Variants in ISG20 observed in about 807,000 individuals in gnomAD.
The protein encoded by ISG20 is interferon stimulated exonuclease gene 20, also known as interferon-stimulated gene 20 kDa protein.
ISG20 carries 8 observed loss-of-function variants against 11.1 expected under a neutral mutation model. The ratio of observed to expected loss-of-function variants is 0.72; its 90% confidence interval spans 0.42 to 1.30. ISG20 has a LOEUF of 1.30. Among genes scored for constraint, ISG20 ranks in the 50% most tolerant of loss-of-function variants. The probability of loss-of-function intolerance (pLI) is 0.01; values close to 1 mark genes in which losing one functional copy is unlikely to be tolerated. For missense variants in ISG20, 243 were observed against 250.2 expected, an observed-to-expected ratio of 0.97 and a Z score of 0.19; for synonymous variants, 110 against 101.7, an observed-to-expected ratio of 1.08 and a Z score of -0.49.
chr15:88,650,508 G>C lies in ISG20; in HGVS notation c.229-1602G>C. 7.3e-7 allele frequency: 1 copy of C among 1,374,716 alleles called. No individual in the cohort carries two copies. Among genetic ancestry groups the C allele is most frequent in the African/African-American group, 1.5e-5 (1 of 68,402 alleles). 85.2% of individuals were successfully genotyped at this position (1,374,716 alleles called of 1,614,324 possible). On this transcript the variant is annotated intron_variant, in intron 2 of 3. Coordinates refer to ENST00000306072, the MANE Select transcript of ISG20 (RefSeq NM_002201.6). The surrounding 1 kb of genome is among the most constrained non-coding windows in gnomAD (Gnocchi z 4.0). ...CGTGTGACTGTCCCAGTTATCAAAT[G>C]GTGCTTGGCAAATCACACCAAAACT...
At chr15:88,651,909 C>T in intron 2 of ISG20, 1 of 1,411,614 alleles carries the variant, frequency 7.1e-7, no homozygotes, top group Non-Finnish European at 9.2e-7. Flanking sequence ...GGGCTTTTGG[C>T]ACAGAATGAA....
At chr15:88,641,617 A>G (rs1175982872) in intron 2 of ISG20, among the ~76,000 whole-genome samples, 2 of 151,970 alleles carry the variant, frequency 1.3e-5, no homozygotes, top group African/African-American at 2.4e-5. Flanking sequence ...TGTGTGTCCA[A>G]ACTTCCTCTT....
intron 2 of ISG20, among the ~76,000 whole-genome samples, chr15:88,645,565 G>A (rs1212286025): frequency 6.6e-6 from 1 of 151,978 alleles, no homozygotes; most frequent in Non-Finnish European, 1.5e-5. Context: ...ATTGCCTAAG[G>A]TTCCCCCAGC....
chr15:88,639,259 G>A lies in ISG20; in HGVS notation c.-24-84G>A. The stretch of plus-strand genomic sequence containing the variant: ...TCGGAAACAAAGGGCAGGGCGGAGG[G>A]TAAGGCCAGCTGGGGTTGGCTGAGG... On this transcript the variant is annotated intron_variant, in intron 1 of 3. Coordinates refer to ENST00000306072, the MANE Select transcript of ISG20 (RefSeq NM_002201.6). The surrounding 1 kb of genome is among the most constrained non-coding windows in gnomAD (Gnocchi z 4.2). 2.5e-6 allele frequency: 2 copies of A among 812,920 alleles called. No individual in the cohort carries two copies. The highest frequency in any genetic ancestry group is 3.8e-6 in the Non-Finnish European group (2 of 520,032). 50.4% of individuals were successfully genotyped at this position (812,920 alleles called of 1,614,324 possible).
chr15:88,650,140 G>A lies in ISG20; in HGVS notation c.229-1970G>A. ...AGGTCGTGGGCTACATGCAGAGAAG[G>A]AGACGAAGGCTGTCCTAGAGCTGTC... On this transcript the variant is annotated intron_variant, in intron 2 of 3. Coordinates refer to ENST00000306072, the MANE Select transcript of ISG20 (RefSeq NM_002201.6). This position sits in a 1 kb window ranked among gnomAD's most constrained non-coding sequence, Gnocchi z 4.0. 1 of 1,014,064 alleles carries A rather than the reference G, an allele frequency of 9.9e-7. No individual in the cohort carries two copies. The highest frequency in any genetic ancestry group is 1.4e-5 in the South Asian group (1 of 73,092). 62.8% of individuals were successfully genotyped at this position (1,014,064 alleles called of 1,614,324 possible). A position where few individuals can be genotyped will look rare whatever the true frequency, so the allele number is the denominator to read the frequency against.
In ISG20 at chr15:88,639,882, G is replaced by A. The variant is rs1415630556; in HGVS notation, c.228+288G>A. Among the ~76,000 whole-genome samples, 2 of 152,122 alleles carry A rather than the reference G, an allele frequency of 1.3e-5. No homozygotes were observed. Among genetic ancestry groups the A allele is most frequent in the East Asian group, 3.9e-4 (2 of 5,188 alleles). ...TGAGTTCCCCCACACAGTGACTTGGGGTCTACATTCCCCATTCTTCCCTCT... is the reference window on the plus strand; with the variant it reads ...TGAGTTCCCCCACACAGTGACTTGGAGTCTACATTCCCCATTCTTCCCTCT... On this transcript the variant is annotated intron_variant, in intron 2 of 3. Coordinates refer to ENST00000306072, the MANE Select transcript of ISG20 (RefSeq NM_002201.6). This position sits in a 1 kb window ranked among gnomAD's most constrained non-coding sequence, Gnocchi z 4.2.
At chr15:88,637,332 ATTT>A (rs66503151), upstream of ISG20, 8 of 137,822 alleles carry the variant, frequency 5.8e-5, no homozygotes, top group South Asian at 2.2e-4. Context: ...TTGAGGTTTG[ATTT>A]TTTTTTTTTT....
In ISG20 at chr15:88,639,637, T is replaced by A. The variant is rs759363217; in HGVS notation, c.228+43T>A. 4.0e-6 allele frequency: 6 copies of A among 1,492,784 alleles called. No individual in the cohort carries two copies. The South Asian group carries it at 6.8e-5, about 17-fold the overall frequency. The allele number at this position is 1,492,784 out of a possible 1,614,324, so 92.5% of individuals were successfully genotyped here. On this transcript the variant is annotated intron_variant, in intron 2 of 3. Transcript: ENST00000306072. The surrounding 1 kb of genome is among the most constrained non-coding windows in gnomAD (Gnocchi z 4.2). ...CAGCAGGGGCTTTGGAAATAACCCC[T>A]CTCCCACTTCCCTGGCCCCTCTTCC...
intron 3 of ISG20, among the ~76,000 whole-genome samples, chr15:88,655,010 C>T (rs954926131): frequency 2.6e-5 from 4 of 152,212 alleles, no homozygotes; most frequent in Admixed American, 6.5e-5. Flanking sequence ...CATTTATTGA[C>T]GCCCTTGTGT....
Position 88,656,329 on chromosome 15 carries a change from G to C in ISG20, c.*798G>C, listed in dbSNP as rs913430645. The C allele has an allele frequency of 6.6e-6, 1 of 152,138 alleles. No individual in the cohort carries two copies. Among genetic ancestry groups the C allele is most frequent in the Non-Finnish European group, 1.5e-5 (1 of 68,034 alleles). 9.4% of individuals were successfully genotyped at this position (152,138 alleles called of 1,614,324 possible). A position where few individuals can be genotyped will look rare whatever the true frequency, so the allele number is the denominator to read the frequency against. ...AGGAAGAGTCACCGCACTCTGTTTC[G>C]GGGCTCGGCTCTCTGAGGGGAGGGC... On this transcript the variant is annotated 3_prime_UTR_variant, in exon 4 of 4. Transcript: ENST00000306072.
intron 2 of ISG20, chr15:88,651,672 C>G (rs1272016183): frequency 1.8e-6 from 1 of 568,696 alleles, no homozygotes; most frequent in East Asian, 1.2e-4. Context: ...CTAAGTTCTG[C>G]CCGGAACTTT....
intron 2 of ISG20, chr15:88,651,567 C>T (rs1030718884): frequency 4.5e-5 from 8 of 179,234 alleles, no homozygotes; most frequent in Non-Finnish European, 8.7e-5. Flanking sequence ...TGTGGATTCA[C>T]TCTGACCTCC....
chr15:88,638,646 A>G (rs2058023530), upstream of ISG20: 1 of 152,816 alleles, frequency 6.5e-6, no homozygotes, highest in Middle Eastern at 3.2e-3. Flanking sequence ...GACTGGTAGC[A>G]GGCTCCAGAA....
At position 88,655,408 on chromosome 15, in the gene ISG20, TC is replaced by T; in HGVS notation, c.430-6del. On this transcript the variant is annotated splice_polypyrimidine_tract_variant and splice_region_variant and intron_variant, in intron 3 of 3. Coordinates refer to ENST00000306072, the MANE Select transcript of ISG20 (RefSeq NM_002201.6). ...CCCAAGTCCCCACTCTATACTTGTG[TC>T]TGCAGAACAGCCTGCTTGGACACAG... 6.2e-7 allele frequency: 1 copy of T among 1,613,416 alleles called. No homozygotes were observed. The highest frequency in any genetic ancestry group is 8.5e-7 in the Non-Finnish European group (1 of 1,179,456).
Position 88,643,355 on chromosome 15 carries a change from T to C in ISG20, c.228+3761T>C, listed in dbSNP as rs2058113967. 6.6e-6 allele frequency among the ~76,000 whole-genome samples: 1 copy of C among 152,204 alleles called. No homozygotes were observed. Among genetic ancestry groups the C allele is most frequent in the Non-Finnish European group, 1.5e-5 (1 of 68,042 alleles). On this transcript the variant is annotated intron_variant, in intron 2 of 3. Transcript: ENST00000306072. This position sits in a 1 kb window ranked among gnomAD's most constrained non-coding sequence, Gnocchi z 4.4. ...GTTAGGTTAAATAAAACGTTAAAAT[T>C]AATTTCACCTATTTACTTTTTACGT... is the stretch of plus-strand genomic sequence containing the variant.
At chr15:88,646,646 C>A (rs1330471402) in intron 2 of ISG20, among the ~76,000 whole-genome samples, 1 of 152,204 alleles carries the variant, frequency 6.6e-6, no homozygotes. Context: ...GGCTCACGGG[C>A]CCCCAAATGT....
At chr15:88,647,309 T>C (rs1164899983) in intron 2 of ISG20, 2 of 152,104 alleles carry the variant, frequency 1.3e-5, no homozygotes, top group Non-Finnish European at 2.9e-5. Flanking sequence ...GTGCTTATGA[T>C]CTTCTGACAT....
At chr15:88,636,046 G>A (rs1274592885), upstream of ISG20, 1 of 152,286 alleles carries the variant, frequency 6.6e-6, no homozygotes, top group Non-Finnish European at 1.5e-5. Flanking sequence ...GGGAGAGCGT[G>A]TCCCTTGTGG....
At chr15:88,651,624 A>G (rs2058275557) in intron 2 of ISG20, 1 of 250,788 alleles carries the variant, frequency 4.0e-6, no homozygotes, top group Non-Finnish European at 6.6e-6. Flanking sequence ...TGGGTAGGCC[A>G]GGTGATCTCC....
Sources: allele counts gnomAD v4.1 joint callset (sites outside exome capture counted in the v4.1 genomes callset), GRCh38; gene constraint gnomAD v4.1.1; non-coding constraint Gnocchi (gnomAD v3.1); transcripts MANE v1.5; gene names NCBI Gene and HGNC (gene_info 2026-07-23, HGNC 2026-07-21).